Variants in AUTS2 observed in about 807,000 individuals in gnomAD.
AUTS2 encodes activator of transcription and developmental regulator AUTS2.
AUTS2 carries 17 observed loss-of-function variants against 112.4 expected under a neutral mutation model. The ratio of observed to expected loss-of-function variants is 0.15; its 90% CI spans 0.10 to 0.23. The LOEUF (loss-of-function observed/expected upper bound fraction) is 0.23, where lower values mean the gene tolerates loss of function less well. Among genes scored for constraint, AUTS2 ranks in the 10% least tolerant of loss-of-function variants. AUTS2 has a pLI of 1.00. For missense variants in AUTS2, 1,510 were observed against 1,701.6 expected, an observed-to-expected ratio of 0.89 and a Z score of 1.98; for synonymous variants, 751 against 702.7, an observed-to-expected ratio of 1.07 and a Z score of -1.09.
At chr7:69,686,247 C>T (rs1190877985) in intron 1 of AUTS2, among the ~76,000 whole-genome samples, 1 of 152,054 alleles carries the variant, frequency 6.6e-6, no homozygotes, top group Admixed American at 6.6e-5. Flanking sequence ...ATATACGTGG[C>T]CTTATAGTAA....
chr7:69,869,022 A>C (rs1793362713), intron 1 of AUTS2, among the ~76,000 whole-genome samples: 1 of 152,298 alleles, frequency 6.6e-6, no homozygotes, highest in Non-Finnish European at 1.5e-5. Flanking sequence ...TCCCCTGTAC[A>C]AACAGCCTTT....
intron 5 of AUTS2, among the ~76,000 whole-genome samples, chr7:70,555,788 T>C (rs1801220962): frequency 1.3e-5 from 2 of 149,860 alleles, no homozygotes. Flanking sequence ...GCTTGGCTTC[T>C]GGGGAGGCCT....
At chr7:70,247,942 TATC>T (rs1813011537) in intron 4 of AUTS2, among the ~76,000 whole-genome samples, 1 of 152,210 alleles carries the variant, frequency 6.6e-6, no homozygotes, top group Non-Finnish European at 1.5e-5. Flanking sequence ...ATTTAATTTT[TATC>T]ATGAATGACT....
intron 5 of AUTS2, among the ~76,000 whole-genome samples, chr7:70,513,419 G>C (rs1245919051): frequency 6.6e-6 from 1 of 152,118 alleles, no homozygotes; most frequent in African/African-American, 2.4e-5. Flanking sequence ...GCCTGTGTAC[G>C]ATCAAAGACC....
intron 4 of AUTS2, among the ~76,000 whole-genome samples, chr7:70,363,656 T>C (rs11773411): frequency 0.065 from 9,838 of 152,212 alleles, 396 homozygotes; most frequent in African/African-American, 0.1. Context: ...TTAATTATAC[T>C]TTTCAAGTTT....
chr7:70,482,581 C>T (rs1223593759), intron 5 of AUTS2, among the ~76,000 whole-genome samples: 2 of 152,114 alleles, frequency 1.3e-5, no homozygotes, highest in Non-Finnish European at 2.9e-5. Flanking sequence ...CTGTTCTAGA[C>T]AAAGAATCAG....
At chr7:69,795,793 G>A (rs1387353515) in intron 1 of AUTS2, among the ~76,000 whole-genome samples, 1 of 152,194 alleles carries the variant, frequency 6.6e-6, no homozygotes, top group Non-Finnish European at 1.5e-5. Context: ...AGCTTGTTAT[G>A]TATGTACCAT....
At chr7:70,486,504 G>A (rs1287668769) in intron 5 of AUTS2, among the ~76,000 whole-genome samples, 1 of 152,194 alleles carries the variant, frequency 6.6e-6, no homozygotes, top group African/African-American at 2.4e-5. Context: ...TGGGGGCTGA[G>A]GCGGGAGGAT....
intron 1 of AUTS2, among the ~76,000 whole-genome samples, chr7:69,617,367 T>C (rs1009403763): frequency 1.3e-5 from 2 of 152,112 alleles, no homozygotes; most frequent in South Asian, 2.1e-4. Context: ...GGAGGTGATA[T>C]TTGAGCAGAA....
chr7:69,747,783 G>GT (rs1787560028), intron 1 of AUTS2, among the ~76,000 whole-genome samples: 3 of 112,492 alleles, frequency 2.7e-5, no homozygotes, highest in African/African-American at 1.1e-4. Flanking sequence ...AGAAGGAGAG[G>GT]GGTGTGTGTG....
intron 4 of AUTS2, among the ~76,000 whole-genome samples, chr7:70,355,589 C>T (rs1288479931): frequency 2.6e-5 from 4 of 152,068 alleles, no homozygotes; most frequent in Non-Finnish European, 2.9e-5. Context: ...GGTGTCTGTG[C>T]AGCTGAGGCG....
At chr7:69,621,145 C>T (rs1793637312) in intron 1 of AUTS2, among the ~76,000 whole-genome samples, 2 of 152,116 alleles carry the variant, frequency 1.3e-5, no homozygotes, top group Admixed American at 1.3e-4. Context: ...ATGTAATTCT[C>T]ACAGAGTGGT....
intron 5 of AUTS2, among the ~76,000 whole-genome samples, chr7:70,445,552 C>T (rs1461795705): frequency 6.6e-6 from 1 of 152,072 alleles, no homozygotes; most frequent in Admixed American, 6.5e-5. Flanking sequence ...TGAAGTGGGA[C>T]TTTTTTCTTA....
Position 69,983,513 on chromosome 7 carries a change from A to ACT in AUTS2, c.522+84016_522+84017dup, listed in dbSNP as rs1798380815. On this transcript the variant is annotated intron_variant, in intron 2 of 18. Coordinates refer to ENST00000342771, the MANE Select transcript of AUTS2 (RefSeq NM_015570.4). Reference sequence around the variant, plus strand: ...CCAGCATCAGAAGGTGTCGCTTTGTACTGTGTGTGTGTGTGTGTGTGAAGG... The same window carrying ACT: ...CCAGCATCAGAAGGTGTCGCTTTGTACTCTGTGTGTGTGTGTGTGTGTGAAGG... 2.7e-5 allele frequency among the ~76,000 whole-genome samples: 4 copies of ACT among 147,414 alleles called. No homozygotes were observed. The South Asian group carries it at 8.7e-4, about 32-fold the overall frequency.
At chr7:70,472,958 C>T (rs907124395) in intron 5 of AUTS2, among the ~76,000 whole-genome samples, 1 of 152,184 alleles carries the variant, frequency 6.6e-6, no homozygotes, top group Non-Finnish European at 1.5e-5. Flanking sequence ...CAGTAAACTT[C>T]GTTGGCTACA....
In AUTS2 at chr7:70,781,657, A is replaced by C. The variant is rs530622734; in HGVS notation, c.2047A>C (p.Lys683Gln). 1.2e-6 allele frequency: 2 copies of C among 1,614,216 alleles called. No individual in the cohort carries two copies. The highest frequency in any genetic ancestry group is 2.7e-5 in the African/African-American group (2 of 75,064). ...CCCACATAAGCTGGACTTTGGACTG[A>C]AACCTGAGTTCCTGAGCCGCCCTCC... ...SDPHKLDFGL[K>Q]PEFLSRPPGP... The change falls in exon 15 of 19, where the codon AAA becomes CAA. Residue 683 changes from lysine to glutamine, a missense_variant. Physicochemically the swap from Lys to Gln is moderately conservative, Grantham distance 53. Transcript: ENST00000342771.
At chr7:70,286,493 TATG>T (rs1209143531) in intron 4 of AUTS2, among the ~76,000 whole-genome samples, 1 of 152,240 alleles carries the variant, frequency 6.6e-6, no homozygotes, top group East Asian at 1.9e-4. Context: ...TCTGAAATAC[TATG>T]ATTATGCTAG....
chr7:70,633,294 C>T (rs542066621), intron 5 of AUTS2, among the ~76,000 whole-genome samples: 10 of 152,264 alleles, frequency 6.6e-5, no homozygotes, highest in Admixed American at 5.9e-4. Context: ...TCACCAAGTA[C>T]TTACTAAGCT....
chr7:69,676,002 C>T (rs1796548155), intron 1 of AUTS2, among the ~76,000 whole-genome samples: 1 of 152,108 alleles, frequency 6.6e-6, no homozygotes, highest in South Asian at 2.1e-4. Context: ...TGGTAAGCTG[C>T]AGGTAGACAG....
Sources: gnomAD v4.1 joint callset for allele counts (sites outside exome capture counted in the v4.1 genomes callset) on GRCh38, gnomAD v4.1.1 for gene constraint, MANE v1.5 for transcripts, NCBI Gene and HGNC (gene_info 2026-07-23, HGNC 2026-07-21) for gene names.